The following LRRC53 variants were observed in gnomAD, a reference collection of about 807,000 sequenced individuals.
LRRC53 encodes the protein leucine-rich repeat-containing protein 53.
In LRRC53, 25 loss-of-function variants were observed where a neutral mutation model predicts 13.6. That is an observed-to-expected ratio of 1.83 (90% CI 1.34 to 2.56). The LOEUF is 2.56. LRRC53 is among the 30% of genes most tolerant of loss of function. The pLI is 0.00. For missense variants in LRRC53, 527 were observed against 275.8 expected (o/e 1.91, Z -6.45); for synonymous variants, 204 against 109.8 (o/e 1.86, Z -5.37).
rs1289656732 is a variant in LRRC53 at position 74,480,743 on chromosome 1, T to C, written c.314A>G (p.Lys105Arg). ...SSSLTDHTFS[K>R]LHSLQVLVLS... is the part of the protein sequence containing the mutation. ...CACCAGTACCTGCAGGCTGTGAAGC[T>C]TGCTGAAGGTGTGATCAGTGAGCGA... is the stretch of plus-strand genomic sequence containing the variant. Residue 105 changes from lysine to arginine, a missense_variant, in exon 3 of 5, where the codon AAG becomes AGG. Lys to Arg is a conservative substitution (Grantham distance 26). Transcript: ENST00000294635. The C allele has an allele frequency of 1.4e-6, 1 of 717,488 alleles. No homozygotes were observed. Among genetic ancestry groups the C allele is most frequent in the East Asian group, 2.7e-5 (1 of 37,278 alleles). The allele number at this position is 717,488 out of a possible 1,614,324, so 44.4% of individuals were successfully genotyped here.
the LRRC53 span, among the ~76,000 whole-genome samples, chr1:74,522,228 G>A: frequency 1.3e-5 from 2 of 152,180 alleles, no homozygotes; most frequent in Admixed American, 6.5e-5. Context: ...AGACTCAGGG[G>A]CTTCAAAGAG....
At chr1:74,525,287 AT>A in the LRRC53 span, among the ~76,000 whole-genome samples, 2 of 152,220 alleles carry the variant, frequency 1.3e-5, no homozygotes, top group Admixed American at 6.5e-5. Context: ...CTTTGCGTGT[AT>A]ACCATCTCAT....
rs1189334552 is a variant in LRRC53, at chr1:74,470,490, A to C, written c.3132T>G (p.Ser1044Arg). The change falls in exon 5 of 5, where the codon AGT becomes AGG. Residue 1044 changes from serine to arginine, a missense_variant. Transcript: ENST00000294635. ...LPKDISTSPV[S>R]SQAVWHLTNS... is the part of the protein sequence containing the mutation. ...TGGTTAGGTGCCAAACGGCTTGACT[A>C]CTAACAGGAGAAGTACTGATATCCT... 2 of 400,540 alleles carry C rather than the reference A, an allele frequency of 5.0e-6. No homozygotes were observed. The highest frequency in any genetic ancestry group is 8.8e-6 in the Non-Finnish European group (2 of 226,204). The allele number at this position is 400,540 out of a possible 1,614,324, so 24.8% of individuals were successfully genotyped here.
At position 74,475,588 on chromosome 1, in the gene LRRC53, A is replaced by G. The variant is rs1262692215; in HGVS notation, c.1127T>C (p.Met376Thr). The change falls in exon 4 of 5, where the codon ATG becomes ACG. Residue 376 changes from methionine (M) to threonine (T), a missense_variant. Transcript: ENST00000294635. Reference protein sequence around the residue: ...VMSTVGSRKEMPLLQENSHQA... With the variant: ...VMSTVGSRKETPLLQENSHQA... ...ATGGCTATTTTCCTGTAAAAGTGGCATTTCTTTTCTGGACCCCACAGTGGA... is the reference window on the plus strand; with the variant it reads ...ATGGCTATTTTCCTGTAAAAGTGGCGTTTCTTTTCTGGACCCCACAGTGGA... 2.8e-6 allele frequency: 2 copies of G among 717,334 alleles called. No homozygotes were observed. Among genetic ancestry groups the G allele is most frequent in the Non-Finnish European group, 5.2e-6 (2 of 384,940 alleles). 44.4% of individuals were successfully genotyped at this position (717,334 alleles called of 1,614,324 possible). A position where few individuals can be genotyped will look rare whatever the true frequency, so the allele number is the denominator to read the frequency against.
intron 1 of LRRC53, among the ~76,000 whole-genome samples, chr1:74,494,072 A>G (rs1669212466): frequency 6.6e-6 from 1 of 152,136 alleles, no homozygotes; most frequent in Admixed American, 6.5e-5. Context: ...TGAAGAGTGC[A>G]TACTTTCCAA....
chr1:74,521,495 G>A, the LRRC53 span, among the ~76,000 whole-genome samples: 3 of 151,394 alleles, frequency 2.0e-5, no homozygotes, highest in East Asian at 3.9e-4. Context: ...ACATGTAAAC[G>A]CATTATGTAT....
At chr1:74,512,814 G>A (rs1358531351), upstream of LRRC53, among the ~76,000 whole-genome samples, 2 of 152,132 alleles carry the variant, frequency 1.3e-5, no homozygotes, top group Admixed American at 6.5e-5. Flanking sequence ...GCTTCATACT[G>A]TATTCTTCAA....
chr1:74,507,677 T>C (rs78374516), intron 1 of LRRC53, among the ~76,000 whole-genome samples: 1 of 152,290 alleles, frequency 6.6e-6, no homozygotes, highest in African/African-American at 2.4e-5. Flanking sequence ...ACCAACAACA[T>C]GGAGATGCAC....
At chr1:74,504,885 C>T (rs1306695895) in intron 1 of LRRC53, among the ~76,000 whole-genome samples, 2 of 152,154 alleles carry the variant, frequency 1.3e-5, no homozygotes, top group Admixed American at 6.5e-5. Context: ...CCTCTTCAAG[C>T]GTTTTGTAAT....
At chr1:74,490,339 G>T (rs1438238169) in intron 1 of LRRC53, among the ~76,000 whole-genome samples, 2 of 152,162 alleles carry the variant, frequency 1.3e-5, no homozygotes, top group African/African-American at 4.8e-5. Context: ...GAAGCCTTGG[G>T]TATTAAGAGA....
chr1:74,529,151 C>T, the LRRC53 span, among the ~76,000 whole-genome samples: 1 of 152,086 alleles, frequency 6.6e-6, no homozygotes, highest in African/African-American at 2.4e-5. Context: ...TCTCAAAATA[C>T]CTCCTCACAA....
chr1:74,480,192 C>T lies in LRRC53; in HGVS notation c.865G>A (p.Gly289Arg). ...VLKDRSPLLP[G>R]PDVALLTVLG... is the part of the protein sequence containing the mutation. ...ACAGTCAGCAGGGCCACATCTGGTCCTGGGAGGAGGGGACTTCTGTCCTTT... is the reference window on the plus strand; with the variant it reads ...ACAGTCAGCAGGGCCACATCTGGTCTTGGGAGGAGGGGACTTCTGTCCTTT... The change falls in exon 3 of 5, where the codon GGA becomes AGA. Residue 289 changes from glycine (G) to arginine (R), a missense_variant. Transcript: ENST00000294635. 2 of 717,444 alleles carry T rather than the reference C, an allele frequency of 2.8e-6. No individual in the cohort carries two copies. Among genetic ancestry groups the T allele is most frequent in the Middle Eastern group, 2.3e-4 (1 of 4,344 alleles). 44.4% of individuals were successfully genotyped at this position (717,444 alleles called of 1,614,324 possible). A position where few individuals can be genotyped will look rare whatever the true frequency, so the allele number is the denominator to read the frequency against.
Position 74,480,849 on chromosome 1 carries a change from C to G in LRRC53, c.208G>C (p.Glu70Gln), listed in dbSNP as rs890624231. Residue 70 changes from glutamate to glutamine, a missense_variant, in exon 3 of 5, where the codon GAG becomes CAG. By Grantham distance (29) the Glu-to-Gln change is conservative (BLOSUM62 2). Transcript: ENST00000294635. ...TGCAGGGCATCTTCCTGAACATCCT[C>G]GATACCATTTCTGCTTAGGGAGAGC... ...ALLSLSRNGI[E>Q]DVQEDALHGL... The G allele has an allele frequency of 1.4e-6, 1 of 717,334 alleles. No homozygotes were observed. Among genetic ancestry groups the G allele is most frequent in the African/African-American group, 1.7e-5 (1 of 57,234 alleles). The allele number at this position is 717,334 out of a possible 1,614,324, so 44.4% of individuals were successfully genotyped here.
the LRRC53 span, among the ~76,000 whole-genome samples, chr1:74,525,118 A>G: frequency 2.6e-5 from 4 of 152,206 alleles, no homozygotes; most frequent in African/African-American, 9.6e-5. Flanking sequence ...TTAACCAAGT[A>G]TTGGGGAGAG....
chr1:74,504,439 T>C (rs377167843), intron 1 of LRRC53, among the ~76,000 whole-genome samples: 1 of 152,138 alleles, frequency 6.6e-6, no homozygotes, highest in Non-Finnish European at 1.5e-5. Flanking sequence ...AGCCTCAAAG[T>C]TGAGGAGCAT....
At chr1:74,498,873 A>G (rs192688560) in intron 1 of LRRC53, among the ~76,000 whole-genome samples, 87 of 152,344 alleles carry the variant, frequency 5.7e-4, no homozygotes, top group Admixed American at 1.2e-3. Context: ...TTTAATATTT[A>G]AAACTTCTAT....
At chr1:74,493,363 A>C (rs1557604584) in intron 1 of LRRC53, among the ~76,000 whole-genome samples, 1 of 152,164 alleles carries the variant, frequency 6.6e-6, no homozygotes, top group Non-Finnish European at 1.5e-5. Flanking sequence ...TGCTATGTGA[A>C]CTTTACCTCG....
chr1:74,503,061 TC>T, intron 1 of LRRC53, among the ~76,000 whole-genome samples: 1 of 152,200 alleles, frequency 6.6e-6, no homozygotes. Flanking sequence ...ATTAGGCTCT[TC>T]TTTTCACTTC....
intron 4 of LRRC53, among the ~76,000 whole-genome samples, chr1:74,474,125 G>A (rs533655807): frequency 6.6e-6 from 1 of 152,228 alleles, no homozygotes; most frequent in South Asian, 2.1e-4. Context: ...ACAACAGACT[G>A]GGTTTTAAAT....
Sources: allele counts gnomAD v4.1 joint callset (sites outside exome capture counted in the v4.1 genomes callset), GRCh38; gene constraint gnomAD v4.1.1; transcripts MANE v1.5; gene names NCBI Gene and HGNC (gene_info 2026-07-23, HGNC 2026-07-21).